GALNT18: variants seen among roughly 807,000 people sequenced by gnomAD.
The protein encoded by GALNT18 is GalNAc-transferase 18.
In GALNT18, 44 loss-of-function variants were observed where a neutral mutation model predicts 69.5. That is an observed-to-expected ratio of 0.63 (90% CI 0.50 to 0.81). The LOEUF (loss-of-function observed/expected upper bound fraction) is 0.81, where lower values mean the gene tolerates loss of function less well. Among genes scored for constraint, GALNT18 ranks in the 40% least tolerant of loss-of-function variants. The pLI is 0.00. For synonymous variants in GALNT18, 364 were observed against 318.2 expected (o/e 1.14, Z -1.53); for missense variants, 715 against 810.0 (o/e 0.88, Z 1.42).
In GALNT18 at chr11:11,590,973, C is replaced by T. The variant is rs75937588; in HGVS notation, c.235+30386G>A. Among the ~76,000 whole-genome samples, 3,686 of 151,876 alleles carry T rather than the reference C, an allele frequency of 0.024. 156 individuals carry two copies. The highest frequency in any genetic ancestry group is 0.085 in the African/African-American group (3,515 of 41,372). On this transcript the variant is annotated intron_variant, in intron 1 of 10. Coordinates refer to ENST00000227756, the MANE Select transcript of GALNT18 (RefSeq NM_198516.3). This position sits in a 1 kb window ranked among gnomAD's most constrained non-coding sequence, Gnocchi z 4.4. ...TTTACTATTATTTTAGAATATATTC[C>T]TTCTACTTAATTTTTTTTAAGTTAA...
rs1415474331 is a variant in GALNT18 at position 11,336,827 on chromosome 11, C to T, written c.1278+3992G>A. Among the ~76,000 whole-genome samples, 6 of 152,130 alleles carry T rather than the reference C, an allele frequency of 3.9e-5. 1 individual carries two copies. The highest frequency in any genetic ancestry group is 4.1e-4 in the South Asian group (2 of 4,826). On this transcript the variant is annotated intron_variant, in intron 7 of 10. Coordinates refer to ENST00000227756, the MANE Select transcript of GALNT18 (RefSeq NM_198516.3). ...AATATGTCACACTCTCGGCCTGAAA[C>T]GAGAGTCTGGGAGTTTCAGACAAGT...
rs143510107 is a variant in GALNT18, at chr11:11,337,466, G to T, written c.1278+3353C>A. On this transcript the variant is annotated intron_variant, in intron 7 of 10. Coordinates refer to ENST00000227756, the MANE Select transcript of GALNT18 (RefSeq NM_198516.3). This position sits in a 1 kb window ranked among gnomAD's most constrained non-coding sequence, Gnocchi z 4.9. ...CCAAACCAGTTAAGTGGTAATCTGT[G>T]GGGGTGGAACCCAACTGATTTTGAA... Among the ~76,000 whole-genome samples the T allele has an allele frequency of 1.3e-5, 2 of 152,152 alleles. No homozygotes were observed. Among genetic ancestry groups the T allele is most frequent in the Non-Finnish European group, 2.9e-5 (2 of 68,014 alleles).
chr11:11,502,228 G>A (rs985710820), intron 1 of GALNT18, among the ~76,000 whole-genome samples: 3 of 152,136 alleles, frequency 2.0e-5, no homozygotes, highest in Non-Finnish European at 4.4e-5. Context: ...GAATTTATGC[G>A]CTCCTGGGGC....
chr11:11,462,662 C>T (rs1268170593), intron 1 of GALNT18, among the ~76,000 whole-genome samples: 1 of 152,124 alleles, frequency 6.6e-6, no homozygotes. Context: ...CCTTCATGCC[C>T]TAAAATGTCA....
At chr11:11,478,772 A>C (rs1328290659) in intron 1 of GALNT18, among the ~76,000 whole-genome samples, 1 of 151,308 alleles carries the variant, frequency 6.6e-6, no homozygotes, top group Non-Finnish European at 1.5e-5. Flanking sequence ...AAGCGAGCAG[A>C]GCAGGCTGAC....
At position 11,372,602 on chromosome 11, in the gene GALNT18, A is replaced by G; in HGVS notation, c.1005T>C (p.Ile335=). ...TCTCCTGGAAGTACTGCCGGTCCAC[A>G]ATGAAGCAGCCAATGAGGGCAGGGC... ...IRSPALIGCF[I]VDRQYFQEIG... Residue 335 remains isoleucine, a synonymous_variant, in exon 6 of 11, where the codon ATT becomes ATC. Transcript: ENST00000227756. The surrounding 1 kb of genome is among the most constrained non-coding windows in gnomAD (Gnocchi z 4.9). 6.2e-7 allele frequency: 1 copy of G among 1,614,156 alleles called. No homozygotes were observed. Among genetic ancestry groups the G allele is most frequent in the Non-Finnish European group, 8.5e-7 (1 of 1,180,018 alleles).
chr11:11,500,884 G>A lies in GALNT18; in HGVS notation c.236-51948C>T, dbSNP rs956745045. ...TCCTTCCCTGTCTTTTTGCAGAGCC[G>A]TGCTGAGCGGGCAGCCAGGTGCACA... On this transcript the variant is annotated intron_variant, in intron 1 of 10. Transcript: ENST00000227756. The surrounding 1 kb of genome is among the most constrained non-coding windows in gnomAD (Gnocchi z 5.0). 2.6e-4 allele frequency among the ~76,000 whole-genome samples: 39 copies of A among 152,138 alleles called. No individual in the cohort carries two copies. Among genetic ancestry groups the A allele is most frequent in the African/African-American group, 8.0e-4 (33 of 41,410 alleles).
At chr11:11,362,537 A>G (rs982826414) in intron 6 of GALNT18, among the ~76,000 whole-genome samples, 5 of 152,204 alleles carry the variant, frequency 3.3e-5, no homozygotes, top group Non-Finnish European at 7.4e-5. Flanking sequence ...AGATACGAAC[A>G]GCTTACAGAA....
Position 11,435,550 on chromosome 11 carries a change from C to T in GALNT18, c.429-2763G>A, listed in dbSNP as rs986311673. Among the ~76,000 whole-genome samples the T allele has an allele frequency of 6.6e-6, 1 of 152,202 alleles. No homozygotes were observed. Among genetic ancestry groups the T allele is most frequent in the Admixed American group, 6.5e-5 (1 of 15,282 alleles). ...CACATTCGAACCTGTTTATTGTCTG[C>T]CCCTCTCTACTAGAATGAAGCCCCC... On this transcript the variant is annotated intron_variant, in intron 2 of 10. Transcript: ENST00000227756. This position sits in a 1 kb window ranked among gnomAD's most constrained non-coding sequence, Gnocchi z 4.4.
At position 11,270,886 on chromosome 11, in the gene GALNT18, T is replaced by C. The variant is rs1448664950; in HGVS notation, c.*258A>G. 3 of 350,494 alleles carry C rather than the reference T, an allele frequency of 8.6e-6. No individual in the cohort carries two copies. The highest frequency in any genetic ancestry group is 7.6e-4 in the Middle Eastern group (1 of 1,308). 21.7% of individuals were successfully genotyped at this position (350,494 alleles called of 1,614,324 possible). On this transcript the variant is annotated 3_prime_UTR_variant, in exon 11 of 11. Transcript: ENST00000227756. ...AATGACTGCAAAACCCTTTTCTTAA[T>C]AATATTTTATTGTCAGTTATAAATA...
At chr11:11,367,869 A>T (rs1249426271) in intron 6 of GALNT18, among the ~76,000 whole-genome samples, 2 of 152,226 alleles carry the variant, frequency 1.3e-5, no homozygotes, top group Non-Finnish European at 2.9e-5. Flanking sequence ...TTGAATAAGC[A>T]TACAGCATAC....
chr11:11,283,287 C>T (rs966716641), intron 10 of GALNT18, among the ~76,000 whole-genome samples: 21 of 152,160 alleles, frequency 1.4e-4, no homozygotes, highest in African/African-American at 4.8e-4. Flanking sequence ...GCTGGGATTA[C>T]AGACATGCAC....
At position 11,602,359 on chromosome 11, in the gene GALNT18, A is replaced by G. The variant is rs1410574710; in HGVS notation, c.235+19000T>C. 6.6e-6 allele frequency among the ~76,000 whole-genome samples: 1 copy of G among 152,096 alleles called. No individual in the cohort carries two copies. The highest frequency in any genetic ancestry group is 6.5e-5 in the Admixed American group (1 of 15,274). ...AGTAGGGGCAGCCCCAGACCACTCAACCATGCTCTGCAACACAGAGCTGGG... is the reference window on the plus strand; with the variant it reads ...AGTAGGGGCAGCCCCAGACCACTCAGCCATGCTCTGCAACACAGAGCTGGG... On this transcript the variant is annotated intron_variant, in intron 1 of 10. Transcript: ENST00000227756. This position sits in a 1 kb window ranked among gnomAD's most constrained non-coding sequence, Gnocchi z 4.7.
chr11:11,521,293 T>G (rs1468244175), intron 1 of GALNT18, among the ~76,000 whole-genome samples: 1 of 152,070 alleles, frequency 6.6e-6, no homozygotes, highest in Non-Finnish European at 1.5e-5. Context: ...CAAACATTTT[T>G]AAATTACAAG....
At chr11:11,433,205 A>G (rs1210271564) in intron 2 of GALNT18, among the ~76,000 whole-genome samples, 1 of 152,268 alleles carries the variant, frequency 6.6e-6, no homozygotes, top group Non-Finnish European at 1.5e-5. Context: ...TCAGGCATCC[A>G]GCCTCAGGAG....
At chr11:11,374,803 A>G (rs1165340477) in intron 5 of GALNT18, among the ~76,000 whole-genome samples, 6 of 152,268 alleles carry the variant, frequency 3.9e-5, no homozygotes, top group Non-Finnish European at 7.3e-5. Flanking sequence ...ACAGACCTAA[A>G]GATTGCAACA....
At position 11,601,154 on chromosome 11, in the gene GALNT18, T is replaced by C. The variant is rs1859624874; in HGVS notation, c.235+20205A>G. Among the ~76,000 whole-genome samples the C allele has an allele frequency of 1.3e-5, 2 of 152,228 alleles. No homozygotes were observed. The highest frequency in any genetic ancestry group is 2.4e-5 in the African/African-American group (1 of 41,472). On this transcript the variant is annotated intron_variant, in intron 1 of 10. Transcript: ENST00000227756. The surrounding 1 kb of genome is among the most constrained non-coding windows in gnomAD (Gnocchi z 4.0). ...CACATCCAGGTCCCCTGAAAGACAA[T>C]TTCTATGATCTGCTTTGATGTCTCT...
At chr11:11,276,724 G>A (rs566555161) in intron 10 of GALNT18, among the ~76,000 whole-genome samples, 2 of 151,804 alleles carry the variant, frequency 1.3e-5, no homozygotes, top group South Asian at 2.1e-4. Context: ...GCATGAAGGG[G>A]TATTGAATTT....
intron 10 of GALNT18, among the ~76,000 whole-genome samples, chr11:11,275,788 G>T (rs138469470): frequency 0.058 from 8,863 of 152,166 alleles, 368 homozygotes; most frequent in Middle Eastern, 0.092. Flanking sequence ...ATTAAATAGG[G>T]AATCCTTTCC....
Sources: allele counts gnomAD v4.1 joint callset (sites outside exome capture counted in the v4.1 genomes callset), GRCh38; gene constraint gnomAD v4.1.1; non-coding constraint Gnocchi (gnomAD v3.1); transcripts MANE v1.5; gene names NCBI Gene and HGNC (gene_info 2026-07-23, HGNC 2026-07-21).